Variants in TRPA1 observed in about 807,000 individuals in gnomAD.
TRPA1 encodes ankyrin-like with transmembrane domains 1.
A neutral mutation model predicts 131.3 loss-of-function variants in TRPA1; 129 were observed. The observed-to-expected ratio is 0.98, with a 90% CI of 0.85 to 1.14. The LOEUF (loss-of-function observed/expected upper bound fraction) is 1.14. Ranked by LOEUF, TRPA1 falls within the 50% of genes most tolerant of loss-of-function variation. The pLI, the probability that TRPA1 is intolerant of heterozygous loss-of-function variation, is 0.00. For missense variants in TRPA1, 1,304 were observed against 1,354.2 expected (o/e 0.96, Z 0.58); for synonymous variants, 441 against 451.7 (o/e 0.98, Z 0.30).
At chr8:72,030,665 C>A (rs753525434) in intron 23 of TRPA1, among the ~76,000 whole-genome samples, 8 of 152,132 alleles carry the variant, frequency 5.3e-5, no homozygotes, top group Non-Finnish European at 1.2e-4. Context: ...GGTGTGGCCA[C>A]ACAACATGGT....
At chr8:72,084,020 G>A in the TRPA1 span, among the ~76,000 whole-genome samples, 1 of 152,158 alleles carries the variant, frequency 6.6e-6, no homozygotes, top group Non-Finnish European at 1.5e-5. Context: ...TCACAGAGAT[G>A]AAAGTTGACA....
In TRPA1 at chr8:72,071,646, C is replaced by A. The variant is rs527520867; in HGVS notation, c.268+65G>T. The A allele has an allele frequency of 1.7e-5, 27 of 1,563,292 alleles. No homozygotes were observed. The Admixed American group carries it at 2.0e-4, about 12-fold the overall frequency. On this transcript the variant is annotated intron_variant, in intron 2 of 26. Coordinates refer to ENST00000262209, the MANE Select transcript of TRPA1 (RefSeq NM_007332.3). ...ATTACCCTTAAAAATCACTTCCTTC[C>A]ATTCTTTCTAGTTAATTGAATGGGA...
rs556419620 is a variant in TRPA1, at chr8:72,065,550, A to T, written c.453T>A (p.Leu151=). The change falls in exon 4 of 27, where the codon CTT becomes CTA. Residue 151 remains leucine, a synonymous_variant. Transcript: ENST00000262209. ...GMNNEVMKVL[L]EHRTIDVNLE... Reference sequence around the variant, plus strand: ...AATTAACATCAATAGTTCTATGCTCAAGCAAGACCTAAAAAAAGGGGAGAA... The same window carrying T: ...AATTAACATCAATAGTTCTATGCTCTAGCAAGACCTAAAAAAAGGGGAGAA... The T allele has an allele frequency of 6.2e-7, 1 of 1,613,068 alleles. No homozygotes were observed. The highest frequency in any genetic ancestry group is 1.3e-5 in the African/African-American group (1 of 74,984).
chr8:72,063,681 A>G (rs1805863843), intron 4 of TRPA1, 110 bp from the exon 5 acceptor site: 1 of 731,268 alleles, frequency 1.4e-6, no homozygotes, highest in Non-Finnish European at 2.4e-6. Flanking sequence ...ATGTCTATGT[A>G]AAAGTACATA....
At chr8:72,029,823 T>C (rs1563381470) in intron 24 of TRPA1, 78 bp downstream of exon 24, 8 of 1,410,316 alleles carry the variant, frequency 5.7e-6, no homozygotes, top group African/African-American at 4.3e-5. Context: ...ATGCCCATTT[T>C]TGACTTGTAA....
chr8:72,064,153 T>C (rs1326648991), intron 4 of TRPA1, among the ~76,000 whole-genome samples: 7 of 152,024 alleles, frequency 4.6e-5, no homozygotes, highest in Non-Finnish European at 1.0e-4. Flanking sequence ...TACAAGAAAT[T>C]ATTGTGAAAA....
intron 2 of TRPA1, among the ~76,000 whole-genome samples, chr8:72,071,142 C>T (rs1047661063): frequency 6.6e-6 from 1 of 152,176 alleles, no homozygotes; most frequent in Admixed American, 6.5e-5. Flanking sequence ...CCTCTCTTTA[C>T]TACCAAAATA....
chr8:72,034,162 A>T (rs1232061475), intron 22 of TRPA1, 86 bp downstream of exon 22: 1 of 1,334,012 alleles, frequency 7.5e-7, no homozygotes, highest in Non-Finnish European at 1.0e-6. Flanking sequence ...GTAATTATGC[A>T]TTTTCTAGAC....
At chr8:72,025,092 G>C (rs35488877) in intron 25 of TRPA1, among the ~76,000 whole-genome samples, 44,876 of 142,966 alleles carry the variant, frequency 0.31, 7,346 homozygotes, top group Middle Eastern at 0.51. Flanking sequence ...AGTGGATGCT[G>C]TGTGTGTGTG....
In TRPA1 at chr8:72,036,378, A is replaced by C; in HGVS notation, c.2465T>G (p.Leu822Trp). The change falls in exon 21 of 27, where the codon TTG becomes TGG. Residue 822 changes from leucine to tryptophan, a missense_variant. By Grantham distance (61) the Leu-to-Trp change is moderately conservative (BLOSUM62 -2). Transcript: ENST00000262209. ...CAGATGAGCTGGTATTTCAACAAAC[A>C]AGGGCAGCACAAAAATGATGCCCGT... is the stretch of plus-strand genomic sequence containing the variant. Reference protein sequence around the residue: ...YTTGIIFVLPLFVEIPAHLQW... With the variant: ...YTTGIIFVLPWFVEIPAHLQW... 6.2e-7 allele frequency: 1 copy of C among 1,614,194 alleles called. No homozygotes were observed. Among genetic ancestry groups the C allele is most frequent in the Non-Finnish European group, 8.5e-7 (1 of 1,180,026 alleles).
intron 24 of TRPA1, among the ~76,000 whole-genome samples, chr8:72,026,844 A>C (rs1435818410): frequency 6.6e-6 from 1 of 152,102 alleles, no homozygotes; most frequent in Non-Finnish European, 1.5e-5. Flanking sequence ...AATACTTTCC[A>C]ATATTAGTGA....
At chr8:72,044,724 A>G (rs540662042) in intron 17 of TRPA1, among the ~76,000 whole-genome samples, 1 of 151,894 alleles carries the variant, frequency 6.6e-6, no homozygotes, top group South Asian at 2.1e-4. Context: ...AGACTTTCAA[A>G]TTTTCTGTGC....
intron 19 of TRPA1, among the ~76,000 whole-genome samples, chr8:72,038,424 A>G (rs942809153): frequency 1.3e-5 from 2 of 152,122 alleles, no homozygotes; most frequent in Non-Finnish European, 2.9e-5. Context: ...TTTAAAATAT[A>G]TAATTCAGTG....
At chr8:72,053,043 G>GAGAT in intron 13 of TRPA1, 1 of 346,322 alleles carries the variant, frequency 2.9e-6, no homozygotes, top group South Asian at 2.8e-5. Flanking sequence ...GAGAGAGAGA[G>GAGAT]AATGAATTCC....
At chr8:72,083,366 T>C in the TRPA1 span, among the ~76,000 whole-genome samples, 1 of 152,102 alleles carries the variant, frequency 6.6e-6, no homozygotes, top group Non-Finnish European at 1.5e-5. Context: ...TCTTTGCTTG[T>C]CTTATAACAT....
chr8:72,063,658 A>G, intron 4 of TRPA1, 87 bp from the exon 5 acceptor site: 2 of 820,068 alleles, frequency 2.4e-6, no homozygotes, highest in Admixed American at 1.8e-5. Context: ...CTCCCATATC[A>G]TTTTACTATT....
chr8:72,063,677 A>G, intron 4 of TRPA1, 106 bp from the exon 5 acceptor site: 1 of 744,380 alleles, frequency 1.3e-6, no homozygotes, highest in Non-Finnish European at 2.4e-6. Context: ...TTATATGTCT[A>G]TGTAAAAGTA....
chr8:72,039,614 T>C, intron 18 of TRPA1, 113 bp downstream of exon 18: 1 of 760,800 alleles, frequency 1.3e-6, no homozygotes, highest in Non-Finnish European at 2.2e-6. Context: ...GTAAAAACAT[T>C]AAAATAACAA....
chr8:72,072,670 A>C (rs1243877570), intron 1 of TRPA1, among the ~76,000 whole-genome samples: 1 of 152,218 alleles, frequency 6.6e-6, no homozygotes, highest in Non-Finnish European at 1.5e-5. Context: ...ATCCTATCAA[A>C]GAAAGTGTTG....
Sources: gnomAD v4.1 joint callset for allele counts (sites outside exome capture counted in the v4.1 genomes callset) on GRCh38, gnomAD v4.1.1 for gene constraint, MANE v1.5 for transcripts, NCBI Gene and HGNC (gene_info 2026-07-23, HGNC 2026-07-21) for gene names.